Variants in STAC observed in about 807,000 individuals in gnomAD.
The protein encoded by STAC is SH3 and cysteine rich domain, also known as SH3 and cysteine-rich domain-containing protein.
Under a neutral mutation model 48.8 loss-of-function variants are expected in STAC, and 43 were observed. The ratio of observed to expected loss-of-function variants is 0.88; its 90% confidence interval spans 0.69 to 1.14. STAC has a LOEUF of 1.14. Ranked by LOEUF, STAC falls within the 50% of genes most tolerant of loss-of-function variation. The pLI, the probability that STAC is intolerant of heterozygous loss-of-function variation, is 0.00. For synonymous variants in STAC, 193 were observed against 179.5 expected (o/e 1.07, Z -0.60); for missense variants, 497 against 504.0 (o/e 0.99, Z 0.13).
chr3:36,541,096 G>C (rs1419277875), intron 10 of STAC, among the ~76,000 whole-genome samples: 2 of 152,028 alleles, frequency 1.3e-5, no homozygotes. Flanking sequence ...TCCCCTAGTG[G>C]TCACAGATGG....
At chr3:36,508,812 T>C (rs571775994) in intron 8 of STAC, among the ~76,000 whole-genome samples, 3 of 152,284 alleles carry the variant, frequency 2.0e-5, no homozygotes, top group Admixed American at 6.5e-5. Context: ...ATGTGTGTCT[T>C]TGCACATGAG....
At chr3:36,385,649 C>G (rs905126356) in intron 1 of STAC, among the ~76,000 whole-genome samples, 1 of 152,100 alleles carries the variant, frequency 6.6e-6, no homozygotes, top group Non-Finnish European at 1.5e-5. Flanking sequence ...CAGAATCTCT[C>G]TCATACCCCT....
chr3:36,529,000 C>A lies in STAC; in HGVS notation c.1110+15C>A, dbSNP rs751135400. 7.6e-6 allele frequency: 12 copies of A among 1,586,644 alleles called. No individual in the cohort carries two copies. The highest frequency in any genetic ancestry group is 2.3e-5 in the East Asian group (1 of 44,340). On this transcript the variant is annotated intron_variant, in intron 10 of 10. Transcript: ENST00000273183. ...AAGAGAATCAGGTGAGTAAACCACA[C>A]AAACACATTCCAGATATGAGCCAAA...
intron 5 of STAC, among the ~76,000 whole-genome samples, chr3:36,492,167 G>A (rs1411789783): frequency 6.7e-6 from 1 of 148,758 alleles, no homozygotes; most frequent in Non-Finnish European, 1.5e-5. Flanking sequence ...GGCATTCAGT[G>A]TGGTATGCTA....
chr3:36,464,462 G>C (rs986374551), intron 2 of STAC, among the ~76,000 whole-genome samples: 3 of 151,792 alleles, frequency 2.0e-5, no homozygotes, highest in African/African-American at 7.3e-5. Context: ...TATTTCAATA[G>C]ATTTTCAGGG....
intron 10 of STAC, among the ~76,000 whole-genome samples, chr3:36,539,956 A>C (rs570655636): frequency 1.3e-5 from 2 of 152,328 alleles, no homozygotes; most frequent in East Asian, 3.9e-4. Flanking sequence ...GATGTGATTA[A>C]GTTAAAGATT....
chr3:36,418,540 G>C (rs1452870962), intron 1 of STAC, among the ~76,000 whole-genome samples: 18 of 151,710 alleles, frequency 1.2e-4, no homozygotes, highest in Admixed American at 9.9e-4. Context: ...TTTCTCATAA[G>C]GTAATTTTTG....
chr3:36,532,050 A>G (rs1235483133), intron 10 of STAC, among the ~76,000 whole-genome samples: 1 of 152,220 alleles, frequency 6.6e-6, no homozygotes, highest in African/African-American at 2.4e-5. Flanking sequence ...AAAGGTACAC[A>G]GTGTTGCTGT....
At chr3:36,473,819 C>A (rs1382845829) in intron 2 of STAC, among the ~76,000 whole-genome samples, 2 of 152,170 alleles carry the variant, frequency 1.3e-5, no homozygotes, top group Admixed American at 1.3e-4. Context: ...CCTGGCTTCA[C>A]TCTTCGAAGC....
intron 2 of STAC, among the ~76,000 whole-genome samples, chr3:36,463,481 AT>A (rs1343698461): frequency 3.3e-5 from 5 of 150,230 alleles, no homozygotes; most frequent in Non-Finnish European, 7.4e-5. Context: ...TCTCATTTTA[AT>A]TTTTTTTAAT....
intron 10 of STAC, among the ~76,000 whole-genome samples, chr3:36,538,508 T>C (rs778071169): frequency 1.4e-4 from 22 of 152,222 alleles, no homozygotes; most frequent in Non-Finnish European, 3.1e-4. Flanking sequence ...TAACTCTGAT[T>C]ATTTTCTTAG....
chr3:36,461,772 G>C (rs1323097504), intron 2 of STAC, among the ~76,000 whole-genome samples: 1 of 152,162 alleles, frequency 6.6e-6, no homozygotes, highest in East Asian at 1.9e-4. Flanking sequence ...CCTCAAAGCA[G>C]AGCATACTTG....
chr3:36,475,928 G>C (rs1417259334), intron 2 of STAC, among the ~76,000 whole-genome samples: 1 of 152,210 alleles, frequency 6.6e-6, no homozygotes, highest in Non-Finnish European at 1.5e-5. Flanking sequence ...GGAGGTTGGA[G>C]AGTTCTAGAT....
intron 8 of STAC, among the ~76,000 whole-genome samples, chr3:36,509,001 C>T (rs1427320881): frequency 6.6e-6 from 1 of 152,126 alleles, no homozygotes; most frequent in African/African-American, 2.4e-5. Context: ...GATGCAGTTT[C>T]TTCATGGTGT....
chr3:36,533,454 A>G (rs1268248425), intron 10 of STAC, among the ~76,000 whole-genome samples: 1 of 138,614 alleles, frequency 7.2e-6, no homozygotes, highest in South Asian at 2.3e-4. Context: ...GCAAAGTGTT[A>G]CTCAATAATC....
At position 36,485,028 on chromosome 3, in the gene STAC, T is replaced by C. The variant is rs1413256089; in HGVS notation, c.541T>C (p.Phe181Leu). 1.0e-5 allele frequency: 16 copies of C among 1,604,008 alleles called. No homozygotes were observed. The highest frequency in any genetic ancestry group is 1.4e-5 in the Non-Finnish European group (16 of 1,175,456). ...CTCCCCCTTGCTCATTCATGAACAG[T>C]TTGGCTGCATTAAAGAAGTTATGCC... ...YSSPLLIHEQ[F>L]GCIKEVMPIA... The change falls in exon 4 of 11, where the codon TTT becomes CTT. Residue 181 changes from phenylalanine (F) to leucine (L), a missense_variant. Physicochemically the swap from Phe to Leu is conservative, Grantham distance 22. Transcript: ENST00000273183.
intron 2 of STAC, among the ~76,000 whole-genome samples, chr3:36,479,319 AG>A (rs151049746): frequency 0.031 from 4,713 of 152,190 alleles, 216 homozygotes; most frequent in African/African-American, 0.11. Context: ...CTAGTTTCCA[AG>A]TTGCTACTGA....
intron 7 of STAC, among the ~76,000 whole-genome samples, chr3:36,504,744 C>T (rs1698359908): frequency 6.6e-6 from 1 of 151,778 alleles, no homozygotes; most frequent in Admixed American, 6.6e-5. Flanking sequence ...GCATATATGT[C>T]ATATTTTATG....
chr3:36,419,891 G>T (rs1350831595), intron 1 of STAC, among the ~76,000 whole-genome samples: 2 of 152,034 alleles, frequency 1.3e-5, no homozygotes, highest in Non-Finnish European at 2.9e-5. Flanking sequence ...TGGGGCATAG[G>T]TTTCTGTGCC....
Sources: allele counts gnomAD v4.1 joint callset (sites outside exome capture counted in the v4.1 genomes callset), GRCh38; gene constraint gnomAD v4.1.1; transcripts MANE v1.5; gene names NCBI Gene and HGNC (gene_info 2026-07-23, HGNC 2026-07-21).